The following USP28 variants were observed in gnomAD, a reference collection of about 807,000 sequenced individuals.
The protein encoded by USP28 is ubiquitin carboxyl-terminal hydrolase 28.
USP28 carries 113 observed loss-of-function variants against 145.0 expected under a neutral mutation model. The ratio of observed to expected loss-of-function variants is 0.78; its 90% CI spans 0.67 to 0.91. The LOEUF (loss-of-function observed/expected upper bound fraction) is 0.91, where lower values mean the gene tolerates loss of function less well. USP28 is among the 40% of genes least tolerant of loss of function. The pLI, the probability that USP28 is intolerant of heterozygous loss-of-function variation, is 0.00. For synonymous variants in USP28, 447 were observed against 450.9 expected, an observed-to-expected ratio of 0.99 and a Z score of 0.11; for missense variants, 1,201 against 1,289.6, an observed-to-expected ratio of 0.93 and a Z score of 1.05.
chr11:113,846,968 C>G lies in USP28; in HGVS notation c.269-5200G>C, dbSNP rs569512417. On this transcript the variant is annotated intron_variant, in intron 3 of 24. Coordinates refer to ENST00000003302, the Ensembl canonical transcript of USP28. ...CGAGATCACACCACTGCACTCCAGC[C>G]TGGGTGACAGAGCGAGCTTCCTTCT... is the stretch of plus-strand genomic sequence containing the variant. Among the ~76,000 whole-genome samples, 3 of 152,262 alleles carry G rather than the reference C, an allele frequency of 2.0e-5. No homozygotes were observed. The East Asian group carries it at 5.8e-4, about 29-fold the overall frequency.
At chr11:113,819,504 C>A (rs1375610958) in intron 12 of USP28, among the ~76,000 whole-genome samples, 1 of 152,188 alleles carries the variant, frequency 6.6e-6, no homozygotes, top group East Asian at 1.9e-4. Context: ...TAAAAGTCAT[C>A]TACCTCCATC....
At chr11:113,812,445 A>G in exon 16 of USP28, 1 of 1,614,134 alleles carries the variant, frequency 6.2e-7, no homozygotes, top group Non-Finnish European at 8.5e-7. Flanking sequence ...TATAGGCCCA[A>G]TAGTGTCCAG....
chr11:113,836,202 T>TAC (rs1944551294), intron 5 of USP28, among the ~76,000 whole-genome samples: 2 of 152,170 alleles, frequency 1.3e-5, no homozygotes, highest in Non-Finnish European at 2.9e-5. Context: ...ACTTCATTAT[T>TAC]ACATCCTCCT....
intron 1 of USP28, among the ~76,000 whole-genome samples, chr11:113,862,418 GA>G (rs1282966763): frequency 3.9e-5 from 6 of 152,214 alleles, no homozygotes; most frequent in African/African-American, 1.4e-4. Context: ...ATGTCAGGAA[GA>G]GTTTAGGTTT....
At chr11:113,834,061 T>C (rs545536941) in intron 6 of USP28, among the ~76,000 whole-genome samples, 188 bp downstream of exon 6, 1 of 152,346 alleles carries the variant, frequency 6.6e-6, no homozygotes, top group Non-Finnish European at 1.5e-5. Flanking sequence ...TTACTCCTAC[T>C]TAATTTTACA....
intron 3 of USP28, among the ~76,000 whole-genome samples, chr11:113,851,912 T>C (rs1247098183): frequency 6.6e-6 from 1 of 152,230 alleles, no homozygotes; most frequent in Non-Finnish European, 1.5e-5. Context: ...TTTATTTACT[T>C]GTTGATCTTC....
At position 113,871,062 on chromosome 11, in the gene USP28, G is replaced by C. The variant is rs192302385; in HGVS notation, c.57+4383C>G. Among the ~76,000 whole-genome samples, 38 of 152,302 alleles carry C rather than the reference G, an allele frequency of 2.5e-4. 1 individual carries two copies. Among genetic ancestry groups the C allele is most frequent in the Admixed American group, 2.1e-3 (32 of 15,298 alleles). On this transcript the variant is annotated intron_variant, in intron 1 of 24. Transcript: ENST00000003302. ...TCAAAAGGCAGAAACTGATTGAATA[G>C]GTCTAGAGTGGGGGTACAGGCAGTG...
At chr11:113,858,165 C>T (rs1263230172) in intron 1 of USP28, among the ~76,000 whole-genome samples, 1 of 152,184 alleles carries the variant, frequency 6.6e-6, no homozygotes, top group Non-Finnish European at 1.5e-5. Flanking sequence ...TGCACCTGGC[C>T]TAGTGACCTT....
chr11:113,801,917 T>C (rs1939101799), intron 23 of USP28, among the ~76,000 whole-genome samples: 1 of 152,228 alleles, frequency 6.6e-6, no homozygotes, highest in African/African-American at 2.4e-5. Flanking sequence ...GTAAAGTTTA[T>C]GACCCATTGG....
chr11:113,834,785 T>C (rs1348218849), intron 5 of USP28, among the ~76,000 whole-genome samples: 1 of 152,176 alleles, frequency 6.6e-6, no homozygotes, highest in Non-Finnish European at 1.5e-5. Context: ...ATTGAAATAA[T>C]ATTGTAAAAA....
chr11:113,812,478 A>G, exon 16 of USP28: 1 of 1,614,110 alleles, frequency 6.2e-7, no homozygotes, highest in South Asian at 1.1e-5. Context: ...CTTCATGAAC[A>G]AGAACTGCAT....
intron 1 of USP28, among the ~76,000 whole-genome samples, chr11:113,873,186 G>C (rs1455941896): frequency 1.3e-5 from 2 of 152,220 alleles, no homozygotes; most frequent in African/African-American, 2.4e-5. Context: ...TGAGGAAGAA[G>C]TTATTAAAAT....
chr11:113,875,503 G>A, exon 1 of USP28: 1 of 1,173,760 alleles, frequency 8.5e-7, no homozygotes, highest in Non-Finnish European at 1.1e-6. Flanking sequence ...CGCAGTCATG[G>A]CCGAGGCGCC....
intron 7 of USP28, 141 bp downstream of exon 7, chr11:113,833,279 A>T: frequency 1.7e-6 from 2 of 1,158,814 alleles, no homozygotes; most frequent in South Asian, 1.6e-5. Flanking sequence ...CCTGTTCTGT[A>T]GGCAAAACAA....
At position 113,809,227 on chromosome 11, in the gene USP28, A is replaced by G. The variant is rs746946903; in HGVS notation, c.2000T>C (p.Met667Thr). ...CACAGATAGGGCTTCCACTTCTGAC[A>G]TTTGATCTGATTCAGTTGGGGCTGC... The change falls in exon 17 of 25, where the codon ATG becomes ACG. Residue 667 changes from methionine to threonine, a missense_variant. Transcript: ENST00000003302. 2.5e-6 allele frequency: 4 copies of G among 1,614,150 alleles called. No homozygotes were observed. In the East Asian group the frequency reaches 8.9e-5, roughly 36 times the overall value.
chr11:113,873,905 G>A (rs1436949610), intron 1 of USP28, among the ~76,000 whole-genome samples: 1 of 152,072 alleles, frequency 6.6e-6, no homozygotes, highest in Non-Finnish European at 1.5e-5. Context: ...CACTTTGGGA[G>A]GCCGAGGCGG....
intron 3 of USP28, among the ~76,000 whole-genome samples, chr11:113,846,706 T>A (rs1945887231): frequency 6.6e-6 from 1 of 152,230 alleles, no homozygotes. Flanking sequence ...TATCCAATTA[T>A]CAGGCTGGGC....
chr11:113,799,745 G>A (rs1460804512), intron 24 of USP28, among the ~76,000 whole-genome samples: 1 of 152,156 alleles, frequency 6.6e-6, no homozygotes, highest in Non-Finnish European at 1.5e-5. Context: ...ATATATCAGT[G>A]TATACACATG....
intron 3 of USP28, among the ~76,000 whole-genome samples, chr11:113,851,335 T>C (rs1054453331): frequency 1.3e-5 from 2 of 152,158 alleles, no homozygotes; most frequent in African/African-American, 4.8e-5. Context: ...CTTAGGAAGG[T>C]TCTGAATGAT....
Sources: gnomAD v4.1 joint callset for allele counts (sites outside exome capture counted in the v4.1 genomes callset) on GRCh38, gnomAD v4.1.1 for gene constraint, MANE v1.5 for transcripts, NCBI Gene and HGNC (gene_info 2026-07-23, HGNC 2026-07-21) for gene names.